Variants in MRPL1 observed in about 807,000 individuals in gnomAD.
MRPL1 encodes mitochondrial ribosomal protein L1, also known as large ribosomal subunit protein uL1m.
MRPL1 carries 28 observed loss-of-function variants against 38.0 expected under a neutral mutation model. That is an observed-to-expected ratio of 0.74 (90% CI 0.55 to 1.01). The LOEUF is 1.01. Ranked by LOEUF, MRPL1 falls within the 50% of genes least tolerant of loss-of-function variation. The pLI is 0.00. For missense variants in MRPL1, 358 were observed against 389.8 expected, an observed-to-expected ratio of 0.92 and a Z score of 0.69; for synonymous variants, 123 against 126.7, an observed-to-expected ratio of 0.97 and a Z score of 0.20.
intron 1 of MRPL1, among the ~76,000 whole-genome samples, chr4:77,865,310 C>T (rs144893237): frequency 5.7e-4 from 87 of 152,336 alleles, no homozygotes; most frequent in African/African-American, 2.1e-3. Flanking sequence ...AGCATATCAG[C>T]ACCTTGCAGT....
In MRPL1 at chr4:77,877,762, T is replaced by C. The variant is rs114992191; in HGVS notation, c.144-5480T>C. The stretch of plus-strand genomic sequence containing the variant: ...CCTAGCCCTTCCCTAGCTGGATTGG[T>C]ACAGGATACTGGGCTCTGGACTATT... On this transcript the variant is annotated intron_variant, in intron 2 of 8. Transcript: ENST00000315567. 3.3e-3 allele frequency among the ~76,000 whole-genome samples: 500 copies of C among 152,032 alleles called. 3 individuals carry two copies. Among genetic ancestry groups the C allele is most frequent in the African/African-American group, 0.012 (493 of 41,442 alleles).
At chr4:77,878,568 A>T (rs939126558) in intron 2 of MRPL1, among the ~76,000 whole-genome samples, 1 of 152,054 alleles carries the variant, frequency 6.6e-6, no homozygotes, top group African/African-American at 2.4e-5. Context: ...GAACTTTATT[A>T]TATCTCTGAT....
In MRPL1 at chr4:77,911,402, G is replaced by T. The variant is rs1341357198; in HGVS notation, c.777+2030G>T. On this transcript the variant is annotated intron_variant, in intron 7 of 8. Coordinates refer to ENST00000315567, the MANE Select transcript of MRPL1 (RefSeq NM_020236.4). ...CATAGGTCTTAATCACTAAGTAGTA[G>T]ATCACTAAGTAGTAGATCAGAGGAG... Among the ~76,000 whole-genome samples the T allele has an allele frequency of 2.0e-5, 3 of 152,042 alleles. No individual in the cohort carries two copies. The East Asian group carries it at 5.8e-4, about 29-fold the overall frequency.
At chr4:77,900,709 A>G (rs1187894276) in intron 6 of MRPL1, among the ~76,000 whole-genome samples, 1 of 152,216 alleles carries the variant, frequency 6.6e-6, no homozygotes. Flanking sequence ...CATGGAGATT[A>G]GATTTTATCC....
intron 7 of MRPL1, among the ~76,000 whole-genome samples, chr4:77,913,559 T>C (rs991290521): frequency 6.6e-6 from 1 of 152,216 alleles, no homozygotes; most frequent in Non-Finnish European, 1.5e-5. Flanking sequence ...TGTTAAATGA[T>C]GCAACCTCTT....
chr4:77,921,872 C>T (rs1449245174), intron 7 of MRPL1, among the ~76,000 whole-genome samples: 3 of 151,324 alleles, frequency 2.0e-5, no homozygotes, highest in Non-Finnish European at 4.4e-5. Context: ...ACTGTGTGTA[C>T]GTGCATGTGT....
chr4:77,892,183 G>C (rs1399256394), intron 5 of MRPL1, among the ~76,000 whole-genome samples: 4 of 151,226 alleles, frequency 2.6e-5, no homozygotes, highest in Non-Finnish European at 5.9e-5. Flanking sequence ...CCAGTGGGGA[G>C]TGCAATGGCG....
At chr4:77,895,800 C>T (rs1446209720) in intron 6 of MRPL1, among the ~76,000 whole-genome samples, 1 of 152,078 alleles carries the variant, frequency 6.6e-6, no homozygotes, top group African/African-American at 2.4e-5. Context: ...GAACTGGTGT[C>T]TGGCACTTTT....
intron 6 of MRPL1, among the ~76,000 whole-genome samples, chr4:77,908,778 A>G (rs960883575): frequency 7.2e-5 from 11 of 152,140 alleles, no homozygotes; most frequent in African/African-American, 2.4e-4. Flanking sequence ...AGCTCCACTC[A>G]AGGTATTGGC....
chr4:77,951,938 T>C (rs1283103030), intron 8 of MRPL1, among the ~76,000 whole-genome samples: 1 of 152,210 alleles, frequency 6.6e-6, no homozygotes, highest in Non-Finnish European at 1.5e-5. Context: ...AGTTGGAAGA[T>C]GAATTAATGA....
At chr4:77,935,028 G>C (rs1265442703) in intron 7 of MRPL1, among the ~76,000 whole-genome samples, 1 of 152,154 alleles carries the variant, frequency 6.6e-6, no homozygotes, top group Non-Finnish European at 1.5e-5. Context: ...CTGGAGGAAG[G>C]GGGCAATGGG....
rs530473489 is a variant in MRPL1, at chr4:77,927,670, A to C, written c.777+18298A>C. ...TATTTGGAATGAGGAAAAATGATAA[A>C]AATTTCACTAAGTACAATTGAAATG... On this transcript the variant is annotated intron_variant, in intron 7 of 8. Transcript: ENST00000315567. Among the ~76,000 whole-genome samples, 4 of 152,152 alleles carry C rather than the reference A, an allele frequency of 2.6e-5. No homozygotes were observed. In the East Asian group the frequency reaches 7.7e-4, roughly 29 times the overall value.
intron 7 of MRPL1, 47 bp from the exon 8 acceptor site, chr4:77,949,750 C>A: frequency 1.6e-6 from 2 of 1,252,124 alleles, no homozygotes; most frequent in Admixed American, 1.9e-5. Context: ...AATTTATTAT[C>A]TTCTTGCTTT....
chr4:77,945,359 G>A (rs1737235469), intron 7 of MRPL1, among the ~76,000 whole-genome samples: 3 of 152,108 alleles, frequency 2.0e-5, no homozygotes, highest in Admixed American at 6.5e-5. Flanking sequence ...GGTCTAACAA[G>A]TGCTTATCCA....
chr4:77,897,346 C>T (rs1397483623), intron 6 of MRPL1, among the ~76,000 whole-genome samples: 1 of 152,112 alleles, frequency 6.6e-6, no homozygotes, highest in Non-Finnish European at 1.5e-5. Context: ...GCTGGGATTA[C>T]AGGCGTGAAC....
At chr4:77,863,936 A>T (rs1028938235) in intron 1 of MRPL1, among the ~76,000 whole-genome samples, 2 of 151,730 alleles carry the variant, frequency 1.3e-5, no homozygotes, top group Non-Finnish European at 2.9e-5. Flanking sequence ...AGTAAATGGC[A>T]GAGGAAGTAC....
chr4:77,868,607 A>G (rs994550128), intron 1 of MRPL1, among the ~76,000 whole-genome samples: 1 of 152,218 alleles, frequency 6.6e-6, no homozygotes. Context: ...GATGTTATAC[A>G]AATGTATATG....
intron 6 of MRPL1, among the ~76,000 whole-genome samples, chr4:77,908,689 G>A (rs766107924): frequency 2.0e-5 from 3 of 152,148 alleles, no homozygotes; most frequent in Non-Finnish European, 4.4e-5. Context: ...GAAACAACAC[G>A]CATTTATTAT....
At chr4:77,913,165 T>C (rs1336748775) in intron 7 of MRPL1, among the ~76,000 whole-genome samples, 1 of 151,996 alleles carries the variant, frequency 6.6e-6, no homozygotes. Context: ...AAGAAGAAAT[T>C]GATAAATCAC....
Sources: gnomAD v4.1 joint callset for allele counts (sites outside exome capture counted in the v4.1 genomes callset) on GRCh38, gnomAD v4.1.1 for gene constraint, MANE v1.5 for transcripts, NCBI Gene and HGNC (gene_info 2026-07-23, HGNC 2026-07-21) for gene names.